Variants in DPP10 observed in about 807,000 individuals in gnomAD.
DPP10 encodes dipeptidyl peptidase like 10.
Under a neutral mutation model 120.9 loss-of-function variants are expected in DPP10, and 33 were observed. The observed-to-expected ratio is 0.27, with a 90% CI of 0.21 to 0.37. The LOEUF (loss-of-function observed/expected upper bound fraction) is 0.37. Among genes scored for constraint, DPP10 ranks in the 10% least tolerant of loss-of-function variants. DPP10 has a pLI of 1.00. For synonymous variants in DPP10, 337 were observed against 326.1 expected, an observed-to-expected ratio of 1.03 and a Z score of -0.36; for missense variants, 816 against 942.8, an observed-to-expected ratio of 0.87 and a Z score of 1.76.
chr2:115,793,914 AT>A (rs1684260226), intron 19 of DPP10, among the ~76,000 whole-genome samples: 1 of 152,036 alleles, frequency 6.6e-6, no homozygotes, highest in Non-Finnish European at 1.5e-5. Flanking sequence ...TTGCATGATT[AT>A]TTCTAAAACA....
chr2:114,656,185 A>C (rs1696954704), intron 1 of DPP10, among the ~76,000 whole-genome samples: 1 of 152,164 alleles, frequency 6.6e-6, no homozygotes, highest in South Asian at 2.1e-4. Flanking sequence ...TTATAATTGC[A>C]AAAACTTTGG....
intron 5 of DPP10, among the ~76,000 whole-genome samples, chr2:115,560,912 G>C (rs1393611342): frequency 6.6e-6 from 1 of 152,208 alleles, no homozygotes; most frequent in South Asian, 2.1e-4. Flanking sequence ...TATTTATTTA[G>C]ACATCTATCT....
chr2:115,155,261 A>T (rs568348114), intron 1 of DPP10, among the ~76,000 whole-genome samples: 33 of 152,164 alleles, frequency 2.2e-4, no homozygotes, highest in Non-Finnish European at 3.8e-4. Flanking sequence ...TTGTGCAGTG[A>T]GATAGACACT....
intron 1 of DPP10, among the ~76,000 whole-genome samples, chr2:115,004,698 C>T (rs10174488): frequency 0.018 from 2,701 of 152,304 alleles, 75 homozygotes; most frequent in African/African-American, 0.063. Context: ...TTATATCCCG[C>T]ACCTGGCTCG....
At position 115,827,404 on chromosome 2, in the gene DPP10, A is replaced by ACG. The variant is rs1369408071; in HGVS notation, c.1951-8753_1951-8752insCG. 8.0e-3 allele frequency among the ~76,000 whole-genome samples: 829 copies of ACG among 104,088 alleles called. 6 individuals are homozygous for ACG. Among genetic ancestry groups the ACG allele is most frequent in the African/African-American group, 0.029 (762 of 26,682 alleles). 68.3% of individuals were successfully genotyped at this position (104,088 alleles called of 152,430 possible). On this transcript the variant is annotated intron_variant, in intron 21 of 25. Transcript: ENST00000410059. ...GGAGGGCAACTGTGTGTGTGTGTGT[A>ACG]TGTGTGTGTGTATATATATATATAT...
chr2:115,273,256 T>G (rs1288283442), intron 1 of DPP10, among the ~76,000 whole-genome samples: 2 of 152,210 alleles, frequency 1.3e-5, no homozygotes, highest in African/African-American at 4.8e-5. Context: ...AACATGCACT[T>G]GAAGGTACTC....
intron 1 of DPP10, among the ~76,000 whole-genome samples, chr2:115,275,557 A>G (rs539447878): frequency 2.6e-5 from 4 of 152,186 alleles, no homozygotes; most frequent in Admixed American, 1.3e-4. Flanking sequence ...CAGTTACTAT[A>G]TAAGTCACGT....
At position 115,177,024 on chromosome 2, in the gene DPP10, A is replaced by T. The variant is rs565171884; in HGVS notation, c.61-132215A>T. Among the ~76,000 whole-genome samples the T allele has an allele frequency of 3.5e-4, 54 of 152,364 alleles. No individual in the cohort carries two copies. The South Asian group carries it at 0.011, about 31-fold the overall frequency. On this transcript the variant is annotated intron_variant, in intron 1 of 25. Transcript: ENST00000410059. The stretch of plus-strand genomic sequence containing the variant: ...CTATCAAAAATATTTTAAGACAAAA[A>T]GTCACTCTTTATTGTCCAAAATGTA...
intron 1 of DPP10, among the ~76,000 whole-genome samples, chr2:114,448,713 A>G (rs1678086237): frequency 6.6e-6 from 1 of 152,214 alleles, no homozygotes; most frequent in South Asian, 2.1e-4. Context: ...TGAGTACCAC[A>G]GAAGAGGTCT....
chr2:114,752,011 C>T (rs1314156819), intron 1 of DPP10, among the ~76,000 whole-genome samples: 1 of 152,216 alleles, frequency 6.6e-6, no homozygotes, highest in Non-Finnish European at 1.5e-5. Flanking sequence ...CAGACCACAG[C>T]ATGTGCAGCA....
chr2:115,358,650 T>C (rs1194449291), intron 3 of DPP10, among the ~76,000 whole-genome samples: 1 of 152,188 alleles, frequency 6.6e-6, no homozygotes, highest in Non-Finnish European at 1.5e-5. Context: ...CACCCCACTC[T>C]ACCAGTACAA....
intron 1 of DPP10, among the ~76,000 whole-genome samples, chr2:115,069,088 TAAATA>T (rs959299364): frequency 2.6e-5 from 4 of 152,168 alleles, no homozygotes; most frequent in Non-Finnish European, 5.9e-5. Context: ...TGTATTTCTG[TAAATA>T]ATACCATTGG....
In DPP10 at chr2:115,060,665, G is replaced by A. The variant is rs990764378; in HGVS notation, c.61-248574G>A. Reference sequence around the variant, plus strand: ...CTTCCCTATGGTCTATACATCTTCAGCCTTTAATAGCGTTTGCTTTGGGAG... The same window carrying A: ...CTTCCCTATGGTCTATACATCTTCAACCTTTAATAGCGTTTGCTTTGGGAG... On this transcript the variant is annotated intron_variant, in intron 1 of 25. Coordinates refer to ENST00000410059, the MANE Select transcript of DPP10 (RefSeq NM_020868.6). Among the ~76,000 whole-genome samples, 3 of 152,160 alleles carry A rather than the reference G, an allele frequency of 2.0e-5. No individual in the cohort carries two copies. In the East Asian group the frequency reaches 5.8e-4, roughly 29 times the overall value.
At chr2:114,843,602 T>C (rs569380268) in intron 1 of DPP10, among the ~76,000 whole-genome samples, 1 of 152,298 alleles carries the variant, frequency 6.6e-6, no homozygotes, top group African/African-American at 2.4e-5. Context: ...ACCTTTACTA[T>C]CCTTTTTAAC....
At chr2:114,993,645 C>T (rs1700897761) in intron 1 of DPP10, among the ~76,000 whole-genome samples, 1 of 132,916 alleles carries the variant, frequency 7.5e-6, no homozygotes, top group South Asian at 2.5e-4. Context: ...ATGCTTTTTA[C>T]ATAAAACCCA....
intron 7 of DPP10, among the ~76,000 whole-genome samples, chr2:115,717,106 A>G (rs977176549): frequency 6.6e-6 from 1 of 152,204 alleles, no homozygotes; most frequent in South Asian, 2.1e-4. Context: ...AGGGAGGGAC[A>G]CCTACCTGGG....
At chr2:114,818,086 A>T (rs534489612) in intron 1 of DPP10, among the ~76,000 whole-genome samples, 1 of 152,186 alleles carries the variant, frequency 6.6e-6, no homozygotes, top group Non-Finnish European at 1.5e-5. Context: ...AGTAAAATTC[A>T]TCACCAAGAT....
intron 1 of DPP10, among the ~76,000 whole-genome samples, chr2:114,839,062 A>G (rs1687956336): frequency 6.6e-6 from 1 of 152,176 alleles, no homozygotes; most frequent in African/African-American, 2.4e-5. Context: ...GAATTTTGAC[A>G]AGTACACTAT....
At chr2:115,092,596 G>A (rs1709356520) in intron 1 of DPP10, among the ~76,000 whole-genome samples, 1 of 151,920 alleles carries the variant, frequency 6.6e-6, no homozygotes, top group Non-Finnish European at 1.5e-5. Context: ...ATATATATAT[G>A]AAAAGAGGGG....
Sources: gnomAD v4.1 joint callset for allele counts (sites outside exome capture counted in the v4.1 genomes callset) on GRCh38, gnomAD v4.1.1 for gene constraint, MANE v1.5 for transcripts, NCBI Gene and HGNC (gene_info 2026-07-23, HGNC 2026-07-21) for gene names.